The following KIAA0825 variants were observed in gnomAD, a reference collection of about 807,000 sequenced individuals.
KIAA0825 encodes uncharacterized protein KIAA0825.
A neutral mutation model predicts 147.6 loss-of-function variants in KIAA0825; 119 were observed. The ratio of observed to expected loss-of-function variants is 0.81; its 90% CI spans 0.69 to 0.94. The LOEUF (loss-of-function observed/expected upper bound fraction) is 0.94. Among genes scored for constraint, KIAA0825 ranks in the 40% least tolerant of loss-of-function variants. The probability of loss-of-function intolerance (pLI) is 0.00; values close to 1 mark genes in which losing one functional copy is unlikely to be tolerated. For missense variants in KIAA0825, 1,381 were observed against 1,472.7 expected (o/e 0.94, Z 1.02); for synonymous variants, 470 against 518.1 (o/e 0.91, Z 1.26).
At chr5:94,412,036 A>G (rs114064841) in intron 15 of KIAA0825, among the ~76,000 whole-genome samples, 2,794 of 152,278 alleles carry the variant, frequency 0.018, 49 homozygotes, top group Non-Finnish European at 0.024. Flanking sequence ...AAAGTAAGCC[A>G]TAGACAGGGA....
chr5:94,533,961 C>G (rs1771453195), intron 3 of KIAA0825, among the ~76,000 whole-genome samples: 1 of 152,092 alleles, frequency 6.6e-6, no homozygotes, highest in African/African-American at 2.4e-5. Context: ...AGGCAATAGA[C>G]CCTGTGGCTC....
intron 20 of KIAA0825, among the ~76,000 whole-genome samples, chr5:94,372,008 C>T (rs1283332232): frequency 1.3e-5 from 2 of 152,190 alleles, no homozygotes; most frequent in African/African-American, 2.4e-5. Context: ...CAATTACATG[C>T]CCCACACAAG....
At chr5:94,277,296 G>T (rs1007443549) in intron 20 of KIAA0825, among the ~76,000 whole-genome samples, 1 of 152,040 alleles carries the variant, frequency 6.6e-6, no homozygotes, top group African/African-American at 2.4e-5. Context: ...CACAGCAAAA[G>T]AAACTATCAT....
chr5:94,610,342 A>C (rs1332571226), intron 1 of KIAA0825, among the ~76,000 whole-genome samples: 1 of 151,012 alleles, frequency 6.6e-6, no homozygotes, highest in Non-Finnish European at 1.5e-5. Flanking sequence ...AATTGCTTGA[A>C]CCTGGGAGGT....
chr5:94,587,449 A>G (rs1783520994), intron 1 of KIAA0825, among the ~76,000 whole-genome samples: 2 of 152,100 alleles, frequency 1.3e-5, no homozygotes, highest in South Asian at 4.1e-4. Context: ...CACAATTACT[A>G]TTAAGAGAAT....
intron 20 of KIAA0825, among the ~76,000 whole-genome samples, chr5:94,159,945 A>G (rs938678052): frequency 6.6e-6 from 1 of 152,224 alleles, no homozygotes; most frequent in African/African-American, 2.4e-5. Flanking sequence ...AACATTAGTC[A>G]TCTGGCCAAA....
At chr5:94,429,596 G>C (rs190663488) in intron 14 of KIAA0825, among the ~76,000 whole-genome samples, 94 of 152,254 alleles carry the variant, frequency 6.2e-4, no homozygotes, top group Middle Eastern at 6.8e-3. Flanking sequence ...TACTAGCAGA[G>C]GCTCTCTGTT....
At chr5:94,448,311 G>C (rs770350435) in intron 13 of KIAA0825, among the ~76,000 whole-genome samples, 2 of 151,248 alleles carry the variant, frequency 1.3e-5, no homozygotes, top group African/African-American at 2.4e-5. Flanking sequence ...CTATTCCCAG[G>C]GTTCTAGGAG....
At chr5:94,211,677 C>A (rs1772721524) in intron 20 of KIAA0825, among the ~76,000 whole-genome samples, 1 of 152,116 alleles carries the variant, frequency 6.6e-6, no homozygotes, top group South Asian at 2.1e-4. Flanking sequence ...TATCTTGAGT[C>A]CTACCTGTAA....
At chr5:94,480,840 T>A (rs2151028757) in intron 6 of KIAA0825, among the ~76,000 whole-genome samples, 1 of 152,098 alleles carries the variant, frequency 6.6e-6, no homozygotes, top group African/African-American at 2.4e-5. Context: ...TCCCCCAAAT[T>A]AAAATGGTTT....
chr5:94,424,544 A>G (rs981737180), intron 14 of KIAA0825, among the ~76,000 whole-genome samples: 11 of 152,172 alleles, frequency 7.2e-5, no homozygotes, highest in Admixed American at 5.2e-4. Context: ...GTTTATAGCA[A>G]TAAGTGCTTA....
chr5:94,267,748 T>G (rs1037776782), intron 20 of KIAA0825, among the ~76,000 whole-genome samples: 4 of 152,360 alleles, frequency 2.6e-5, no homozygotes, highest in Non-Finnish European at 2.9e-5. Flanking sequence ...GCTCCTTACA[T>G]GAGCATTTTC....
At chr5:94,544,823 C>T (rs970928902) in intron 2 of KIAA0825, among the ~76,000 whole-genome samples, 4 of 152,018 alleles carry the variant, frequency 2.6e-5, no homozygotes, top group South Asian at 4.2e-4. Context: ...AAGATGTCAC[C>T]AAGGGTTCTC....
At chr5:94,219,943 T>C (rs1450425716) in intron 20 of KIAA0825, among the ~76,000 whole-genome samples, 1 of 152,146 alleles carries the variant, frequency 6.6e-6, no homozygotes, top group Non-Finnish European at 1.5e-5. Context: ...ATAAAAACTA[T>C]TTTTTCTTCA....
chr5:94,529,384 A>C (rs1487136931), intron 3 of KIAA0825, among the ~76,000 whole-genome samples: 1 of 147,310 alleles, frequency 6.8e-6, no homozygotes, highest in Non-Finnish European at 1.5e-5. Flanking sequence ...TATCTCATAT[A>C]TGTATATATC....
chr5:94,529,332 T>C (rs1457214533), intron 3 of KIAA0825, among the ~76,000 whole-genome samples: 4 of 136,642 alleles, frequency 2.9e-5, no homozygotes, highest in African/African-American at 6.0e-5. Flanking sequence ...GTATATATCA[T>C]ATATATGTAT....
intron 20 of KIAA0825, among the ~76,000 whole-genome samples, chr5:94,328,492 T>C (rs1334678630): frequency 3.9e-5 from 6 of 152,040 alleles, no homozygotes; most frequent in South Asian, 2.1e-4. Context: ...CATTCTCTTG[T>C]CACTGTTTAA....
intron 20 of KIAA0825, among the ~76,000 whole-genome samples, chr5:94,233,706 G>A (rs954393834): frequency 5.9e-5 from 9 of 152,232 alleles, no homozygotes; most frequent in African/African-American, 2.2e-4. Context: ...AGTTGCTACA[G>A]TGAATAGTGC....
chr5:94,192,143 C>T (rs1273703598), intron 20 of KIAA0825, among the ~76,000 whole-genome samples: 1 of 152,158 alleles, frequency 6.6e-6, no homozygotes, highest in East Asian at 1.9e-4. Context: ...TTTATTAGTC[C>T]AACTTCCCAC....
Sources: allele counts gnomAD v4.1 joint callset (sites outside exome capture counted in the v4.1 genomes callset), GRCh38; gene constraint gnomAD v4.1.1; transcripts MANE v1.5; gene names NCBI Gene and HGNC (gene_info 2026-07-23, HGNC 2026-07-21).